Variants in ASAH1 observed in about 807,000 individuals in gnomAD.
ASAH1 encodes the protein acid ceramidase.
Under a neutral mutation model 59.5 loss-of-function variants are expected in ASAH1, and 70 were observed. That is an observed-to-expected ratio of 1.18 (90% confidence interval 0.97 to 1.43). The LOEUF (loss-of-function observed/expected upper bound fraction) is 1.43. ASAH1 is among the 40% of genes most tolerant of loss of function. ASAH1 has a pLI of 0.00. For missense variants in ASAH1, 660 were observed against 482.5 expected, an observed-to-expected ratio of 1.37 and a Z score of -3.45; for synonymous variants, 213 against 166.5, an observed-to-expected ratio of 1.28 and a Z score of -2.15.
upstream of ASAH1, chr8:18,084,334 C>G: frequency 1.9e-5 from 27 of 1,417,766 alleles, no homozygotes; most frequent in Non-Finnish European, 2.5e-5. Context: ...CGTGATCCAT[C>G]CCCCTCCCCC....
intron 2 of ASAH1, among the ~76,000 whole-genome samples, chr8:18,074,303 GC>G (rs1192693509): frequency 6.6e-6 from 1 of 151,562 alleles, no homozygotes; most frequent in East Asian, 1.9e-4. Context: ...ATGAACACTG[GC>G]CCCAAACAAC....
chr8:18,061,107 T>C (rs1228441537), intron 10 of ASAH1: 8 of 339,194 alleles, frequency 2.4e-5, no homozygotes, highest in Non-Finnish European at 4.4e-5. Flanking sequence ...TGTGTGTGGG[T>C]CATTTTTTTT....
At chr8:18,062,520 A>G in intron 7 of ASAH1, 97 bp from the exon 8 acceptor site, 1 of 1,307,968 alleles carries the variant, frequency 7.6e-7, no homozygotes, top group Non-Finnish European at 1.1e-6. Flanking sequence ...AGCTTTATTT[A>G]CCGAGTCACC....
intron 1 of ASAH1, among the ~76,000 whole-genome samples, chr8:18,078,966 T>A (rs1800528171): frequency 1.3e-5 from 2 of 152,060 alleles, no homozygotes. Context: ...GGTAAAAATC[T>A]GATATTTCAA....
In ASAH1 at chr8:18,063,565, C is replaced by T. The variant is rs529699289; in HGVS notation, c.458-335G>A. 1.3e-4 allele frequency: 34 copies of T among 254,352 alleles called. 1 individual carries two copies. The highest frequency in any genetic ancestry group is 5.5e-4 in the African/African-American group (24 of 43,422). The allele number at this position is 254,352 out of a possible 1,614,324, so 15.8% of individuals were successfully genotyped here. A position where few individuals can be genotyped will look rare whatever the true frequency, so the allele number is the denominator to read the frequency against. On this transcript the variant is annotated intron_variant, in intron 6 of 13. Transcript: ENST00000637790. ...AACTCCCAACCTCAGATGATTCGCC[C>T]GCCTCGGCCTCGCAAAGTGCTGGCA... is the stretch of plus-strand genomic sequence containing the variant.
chr8:18,081,458 C>T (rs917359583), intron 1 of ASAH1, among the ~76,000 whole-genome samples: 2 of 152,270 alleles, frequency 1.3e-5, no homozygotes, highest in East Asian at 3.9e-4. Context: ...GGTTCCAGAT[C>T]CTCCCATTTT....
intron 2 of ASAH1, 93 bp downstream of exon 2, chr8:18,075,445 ATTT>A: frequency 7.8e-7 from 1 of 1,285,550 alleles, no homozygotes. Flanking sequence ...ATGACTTAAG[ATTT>A]TATTCACTAT....
At chr8:18,065,245 T>C (rs1279664720) in intron 5 of ASAH1, 1 of 151,870 alleles carries the variant, frequency 6.6e-6, no homozygotes, top group African/African-American at 2.4e-5. Flanking sequence ...TACATCATGT[T>C]ATTCTTCTTA....
Position 18,071,341 on chromosome 8 carries a change from A to AG in ASAH1, c.174dup (p.Tyr59LeufsTer6), listed in dbSNP as rs771718522. 1.2e-6 allele frequency: 2 copies of AG among 1,605,076 alleles called. No homozygotes were observed. Among genetic ancestry groups the AG allele is most frequent in the Non-Finnish European group, 1.7e-6 (2 of 1,173,758 alleles). On this transcript the variant is annotated frameshift_variant, in exon 3 of 14. Transcript: ENST00000637790. LOFTEE classifies it high-confidence loss of function. ...AGCATCAATTCATGCCATCTTTTGTAGGGTGGTAAGTCAAGATTTATGGTG... is the reference window on the plus strand; with the variant it reads ...AGCATCAATTCATGCCATCTTTTGTAGGGGTGGTAAGTCAAGATTTATGGTG...
intron 1 of ASAH1, among the ~76,000 whole-genome samples, chr8:18,079,560 C>A: frequency 6.6e-6 from 1 of 152,036 alleles, no homozygotes; most frequent in Non-Finnish European, 1.5e-5. Flanking sequence ...ATTAGGAGAC[C>A]CTCAATGAAA....
intron 2 of ASAH1, among the ~76,000 whole-genome samples, chr8:18,073,939 C>T (rs535214221): frequency 6.6e-6 from 1 of 152,234 alleles, no homozygotes; most frequent in East Asian, 1.9e-4. Context: ...CATGTATACA[C>T]GTGTATGTGT....
chr8:18,065,177 GTTATT>G (rs1285404887), intron 5 of ASAH1: 1 of 151,182 alleles, frequency 6.6e-6, no homozygotes, highest in African/African-American at 2.4e-5. Flanking sequence ...TGAAATTCTA[GTTATT>G]TTATTATACA....
chr8:18,083,922 C>G, intron 1 of ASAH1, 59 bp downstream of exon 1: 1 of 1,559,090 alleles, frequency 6.4e-7, no homozygotes. Context: ...CACACCTGCG[C>G]CTCCATCCGC....
At chr8:18,073,502 C>G (rs1324453582) in intron 2 of ASAH1, among the ~76,000 whole-genome samples, 3 of 152,202 alleles carry the variant, frequency 2.0e-5, no homozygotes, top group African/African-American at 4.8e-5. Context: ...TGACACAACA[C>G]ACACATATAC....
upstream of ASAH1, chr8:18,084,320 G>A: frequency 7.0e-7 from 1 of 1,424,252 alleles, no homozygotes; most frequent in Non-Finnish European, 9.1e-7. Flanking sequence ...CCTTTGGCGC[G>A]TGGCGTGATC....
chr8:18,078,859 A>G (rs774632238), intron 1 of ASAH1, among the ~76,000 whole-genome samples: 21 of 151,940 alleles, frequency 1.4e-4, no homozygotes, highest in Non-Finnish European at 2.5e-4. Flanking sequence ...AATTCTCTCT[A>G]ACCCTCTCCC....
Position 18,057,552 on chromosome 8 carries a change from G to C in ASAH1, c.1170C>G (p.Asp390Glu). Residue 390 changes from aspartate (D) to glutamate (E), a missense_variant, in exon 14 of 14, where the codon GAC becomes GAG. Physicochemically the swap from Asp to Glu is conservative, Grantham distance 45. Transcript: ENST00000637790. ...CGTGTGCTCACCAACCTATACAAGGGTCAGGGCAGTCCCGCAGGTAAGTTT... is the reference window on the plus strand; with the variant it reads ...CGTGTGCTCACCAACCTATACAAGGCTCAGGGCAGTCCCGCAGGTAAGTTT... ...QFETYLRDCP[D>E]PCIGW The C allele has an allele frequency of 6.2e-7, 1 of 1,601,262 alleles. No homozygotes were observed. Among genetic ancestry groups the C allele is most frequent in the Non-Finnish European group, 8.5e-7 (1 of 1,171,608 alleles).
Position 18,062,401 on chromosome 8 carries a change from A to G in ASAH1, c.526T>C (p.Trp176Arg). ...FLGWNINNDT[W>R]VITEQLKPLT... ...GGTTTTAGTTGCTCAGTTATGACCC[A>G]GGTATCATTATTTATGTTCCACCTA... Residue 176 changes from tryptophan to arginine, a missense_variant, in exon 8 of 14, where the codon TGG becomes CGG. Transcript: ENST00000637790. 2 of 1,614,154 alleles carry G rather than the reference A, an allele frequency of 1.2e-6. No homozygotes were observed. The highest frequency in any genetic ancestry group is 8.5e-7 in the Non-Finnish European group (1 of 1,180,004).
intron 5 of ASAH1, 199 bp downstream of exon 5, chr8:18,067,021 T>C (rs547085071): frequency 1.3e-4 from 52 of 390,194 alleles, no homozygotes; most frequent in Non-Finnish European, 2.2e-4. Context: ...TGCTGGGCTC[T>C]TCCGTATCTT....
Sources: allele counts gnomAD v4.1 joint callset (sites outside exome capture counted in the v4.1 genomes callset), GRCh38; gene constraint gnomAD v4.1.1; transcripts MANE v1.5; gene names NCBI Gene and HGNC (gene_info 2026-07-23, HGNC 2026-07-21).